Variants in TGFBRAP1 observed in about 807,000 individuals in gnomAD.
The protein encoded by TGFBRAP1 is transforming growth factor-beta receptor-associated protein 1.
A neutral mutation model predicts 83.2 loss-of-function variants in TGFBRAP1; 20 were observed. That is an observed-to-expected ratio of 0.24 (90% CI 0.17 to 0.35). The LOEUF is 0.35. Among genes scored for constraint, TGFBRAP1 ranks in the 10% least tolerant of loss-of-function variants. The pLI, the probability that TGFBRAP1 is intolerant of heterozygous loss-of-function variation, is 1.00. For synonymous variants in TGFBRAP1, 415 were observed against 459.8 expected (o/e 0.90, Z 1.25); for missense variants, 950 against 1,099.4 (o/e 0.86, Z 1.92).
chr2:105,326,306 G>A (rs1428190114), intron 1 of TGFBRAP1, among the ~76,000 whole-genome samples: 1 of 152,136 alleles, frequency 6.6e-6, no homozygotes, highest in East Asian at 1.9e-4. Flanking sequence ...ACCATCAGCA[G>A]TTAGAATTAA....
rs554180767 is a variant in TGFBRAP1, at chr2:105,298,817, A to G, written c.689-112T>C. 10 of 966,008 alleles carry G rather than the reference A, an allele frequency of 1.0e-5. No homozygotes were observed. The South Asian group carries it at 1.0e-4, about 10-fold the overall frequency. The allele number at this position is 966,008 out of a possible 1,614,324, so 59.8% of individuals were successfully genotyped here. A position where few individuals can be genotyped will look rare whatever the true frequency, so the allele number is the denominator to read the frequency against. ...CTGCCCACCAGCAATTTTCCTGTACAGTCTTATATTTCAAGGAAGGAAAAA... is the reference window on the plus strand; with the variant it reads ...CTGCCCACCAGCAATTTTCCTGTACGGTCTTATATTTCAAGGAAGGAAAAA... On this transcript the variant is annotated intron_variant, in intron 2 of 11. Transcript: ENST00000393359.
chr2:105,283,429 C>T (rs1477306819), intron 5 of TGFBRAP1, among the ~76,000 whole-genome samples: 3 of 152,350 alleles, frequency 2.0e-5, no homozygotes, highest in Non-Finnish European at 2.9e-5. Context: ...AGGCATTCTG[C>T]TCAAGTCACT....
At chr2:105,272,266 T>C (rs1458033504) in intron 10 of TGFBRAP1, among the ~76,000 whole-genome samples, 1 of 152,148 alleles carries the variant, frequency 6.6e-6, no homozygotes, top group Non-Finnish European at 1.5e-5. Flanking sequence ...CCAAATGCCC[T>C]CCAAGACACC....
At chr2:105,308,469 C>G in intron 1 of TGFBRAP1, 151 bp from the exon 2 acceptor site, 1 of 813,340 alleles carries the variant, frequency 1.2e-6, no homozygotes, top group Non-Finnish European at 1.9e-6. Flanking sequence ...CATTTCCCCA[C>G]AGACCTCCCC....
chr2:105,281,069 A>G (rs1304471002), intron 5 of TGFBRAP1, among the ~76,000 whole-genome samples: 2 of 152,234 alleles, frequency 1.3e-5, no homozygotes, highest in Non-Finnish European at 2.9e-5. Flanking sequence ...ACACGCCATC[A>G]GAGTCTGCGC....
At chr2:105,316,020 G>C (rs955329982) in intron 1 of TGFBRAP1, among the ~76,000 whole-genome samples, 1 of 152,156 alleles carries the variant, frequency 6.6e-6, no homozygotes, top group Non-Finnish European at 1.5e-5. Flanking sequence ...ATAAAAAGAA[G>C]TAAACTACTG....
chr2:105,317,603 GA>G (rs1424854834), intron 1 of TGFBRAP1, among the ~76,000 whole-genome samples: 2 of 152,086 alleles, frequency 1.3e-5, no homozygotes, highest in African/African-American at 2.4e-5. Flanking sequence ...TCTAAAATAA[GA>G]TATAAAAAAG....
Position 105,269,426 on chromosome 2 carries a change from G to A in TGFBRAP1, c.2252C>T (p.Ala751Val), listed in dbSNP as rs776540284. ...GTCAGGCAGCATCTGCAGCACCTGG[G>A]CTGCATCAAATTCGGTGGCGTGGCG... Reference protein sequence around the residue: ...LNRHATEFDAAQVLQMLPDTW... With the variant: ...LNRHATEFDAVQVLQMLPDTW... The change falls in exon 11 of 12, where the codon GCC (alanine) becomes GTC (valine). Residue 751 changes from alanine (A) to valine (V), a missense_variant. Ala to Val is a moderately conservative substitution (Grantham distance 64). Coordinates refer to ENST00000393359, the MANE Select transcript of TGFBRAP1 (RefSeq NM_004257.6). This position sits in a 1 kb window ranked among gnomAD's most constrained non-coding sequence, Gnocchi z 4.1. 8 of 1,613,990 alleles carry A rather than the reference G, an allele frequency of 5.0e-6. No individual in the cohort carries two copies. Among genetic ancestry groups the A allele is most frequent in the Non-Finnish European group, 6.8e-6 (8 of 1,179,996 alleles).
At chr2:105,255,678 T>C in the TGFBRAP1 span, among the ~76,000 whole-genome samples, 1 of 152,176 alleles carries the variant, frequency 6.6e-6, no homozygotes, top group East Asian at 1.9e-4. Context: ...ACCTCCTTTA[T>C]GGAGCTCTCA....
chr2:105,321,987 G>A (rs377450942), intron 1 of TGFBRAP1, among the ~76,000 whole-genome samples: 2 of 152,144 alleles, frequency 1.3e-5, no homozygotes, highest in African/African-American at 4.8e-5. Flanking sequence ...TTGTAAAACA[G>A]TCCTTCAGGA....
At chr2:105,284,185 C>T in intron 5 of TGFBRAP1, 131 bp downstream of exon 5, 1 of 800,756 alleles carries the variant, frequency 1.2e-6, no homozygotes, top group South Asian at 1.5e-5. Context: ...TCACGAGCTA[C>T]CCCCACCGTA....
Position 105,280,720 on chromosome 2 carries a change from G to A in TGFBRAP1, c.1125C>T (p.Ser375=), listed in dbSNP as rs772635333. 19 of 1,611,456 alleles carry A rather than the reference G, an allele frequency of 1.2e-5. No homozygotes were observed. The highest frequency in any genetic ancestry group is 4.0e-5 in the African/African-American group (3 of 74,864). The stretch of plus-strand genomic sequence containing the variant: ...TCAGCTCCCGGACATCAAGCTGGCC[G>A]CTTCTGCAATTACAGTGTCAAACTA... ...QFLEAKELFR[S]GQLDVRELIS... is the part of the protein sequence containing the mutation. Residue 375 remains serine (S), a synonymous_variant, in exon 6 of 12, where the codon AGC becomes AGT. Transcript: ENST00000393359.
At position 105,267,249 on chromosome 2, in the gene TGFBRAP1, G is replaced by A. The variant is rs1676973559; in HGVS notation, c.*134C>T. The A allele has an allele frequency of 8.3e-7, 1 of 1,199,196 alleles. No individual in the cohort carries two copies. Among genetic ancestry groups the A allele is most frequent in the South Asian group, 1.6e-5 (1 of 63,280 alleles). 74.3% of individuals were successfully genotyped at this position (1,199,196 alleles called of 1,614,324 possible). ...GCAGCGAGGAGTCCTTGTTGCGTAT[G>A]GACGGAAGGCTCCCTGGCACCCAGA... On this transcript the variant is annotated 3_prime_UTR_variant, in exon 12 of 12. Transcript: ENST00000393359.
intron 1 of TGFBRAP1, among the ~76,000 whole-genome samples, chr2:105,326,804 T>C (rs1302118816): frequency 3.3e-5 from 5 of 152,160 alleles, no homozygotes; most frequent in African/African-American, 1.2e-4. Context: ...AATATGTGAT[T>C]TTTTCCTTAA....
downstream of TGFBRAP1, among the ~76,000 whole-genome samples, chr2:105,263,807 AC>A (rs1676842733): frequency 6.6e-6 from 1 of 152,090 alleles, no homozygotes; most frequent in Non-Finnish European, 1.5e-5. Context: ...AATCACTTGG[AC>A]CCGGGAGGTG....
Position 105,269,767 on chromosome 2 carries a change from G to A in TGFBRAP1, c.1973-62C>T. The A allele has an allele frequency of 7.0e-7, 1 of 1,430,728 alleles. No individual in the cohort carries two copies. The highest frequency in any genetic ancestry group is 9.1e-7 in the Non-Finnish European group (1 of 1,093,126). The allele number at this position is 1,430,728 out of a possible 1,614,324, so 88.6% of individuals were successfully genotyped here. A position where few individuals can be genotyped will look rare whatever the true frequency, so the allele number is the denominator to read the frequency against. ...CTCGCCGGCCACCCGCCCAGCGACT[G>A]GCCTCCTTGCTGCTCTGGGCTTCAG... On this transcript the variant is annotated intron_variant, in intron 10 of 11. Transcript: ENST00000393359. This position sits in a 1 kb window ranked among gnomAD's most constrained non-coding sequence, Gnocchi z 4.1.
intron 6 of TGFBRAP1, among the ~76,000 whole-genome samples, chr2:105,278,186 T>C (rs1677416152): frequency 6.6e-6 from 1 of 152,010 alleles, no homozygotes; most frequent in Non-Finnish European, 1.5e-5. Context: ...TAAAAATATA[T>C]GCTCTATCAA....
At chr2:105,303,906 T>C (rs1678394524) in intron 2 of TGFBRAP1, among the ~76,000 whole-genome samples, 1 of 152,066 alleles carries the variant, frequency 6.6e-6, no homozygotes, top group Non-Finnish European at 1.5e-5. Context: ...TCCAATTTCT[T>C]CAGCAAAAAA....
Position 105,272,131 on chromosome 2 carries a change from T to A in TGFBRAP1, c.1972+724A>T, listed in dbSNP as rs1003317842. Among the ~76,000 whole-genome samples, 13 of 152,178 alleles carry A rather than the reference T, an allele frequency of 8.5e-5. No individual in the cohort carries two copies. The East Asian group carries it at 2.5e-3, about 29-fold the overall frequency. Reference sequence around the variant, plus strand: ...AACACATCACTAACCCCAGTGAGTATAAATGCAGAAATTCTTAATGTGGCA... The same window carrying A: ...AACACATCACTAACCCCAGTGAGTAAAAATGCAGAAATTCTTAATGTGGCA... On this transcript the variant is annotated intron_variant, in intron 10 of 11. Transcript: ENST00000393359.
Sources: gnomAD v4.1 joint callset for allele counts (sites outside exome capture counted in the v4.1 genomes callset) on GRCh38, gnomAD v4.1.1 for gene constraint, Gnocchi (gnomAD v3.1) non-coding constraint, MANE v1.5 for transcripts, NCBI Gene and HGNC (gene_info 2026-07-23, HGNC 2026-07-21) for gene names.